NIPBL: variants seen among roughly 807,000 people sequenced by gnomAD.
NIPBL encodes nipped-B-like protein.
A neutral mutation model predicts 321.8 loss-of-function variants in NIPBL; 19 were observed. The observed-to-expected ratio is 0.06, with a 90% CI of 0.04 to 0.09. The LOEUF (loss-of-function observed/expected upper bound fraction) is 0.09, where lower values mean the gene tolerates loss of function less well. NIPBL is among the 10% of genes least tolerant of loss of function. NIPBL has a pLI of 1.00. For synonymous variants in NIPBL, 1,106 were observed against 1,114.1 expected (o/e 0.99, Z 0.14); for missense variants, 2,210 against 3,327.0 (o/e 0.66, Z 8.26).
chr5:37,010,244 G>T lies in NIPBL; in HGVS notation c.4560+19G>T, dbSNP rs201403933. The T allele has an allele frequency of 8.4e-6, 13 of 1,552,370 alleles. No individual in the cohort carries two copies. The highest frequency in any genetic ancestry group is 7.8e-5 in the South Asian group (7 of 89,648). On this transcript the variant is annotated intron_variant, in intron 21 of 46. Transcript: ENST00000282516. ...TAAAAAAGTAAGGAATCTATTAAAG[G>T]TTTTACAACTGTACTTTTATTGAAG...
intron 1 of NIPBL, among the ~76,000 whole-genome samples, chr5:36,902,076 A>G (rs1580185500): frequency 1.4e-5 from 2 of 147,872 alleles, no homozygotes; most frequent in Admixed American, 1.3e-4. Context: ...GTGTCTGTTC[A>G]TGTCCTTTGC....
intron 1 of NIPBL, among the ~76,000 whole-genome samples, chr5:36,929,440 T>C (rs1164754581): frequency 6.6e-6 from 1 of 152,140 alleles, no homozygotes; most frequent in African/African-American, 2.4e-5. Flanking sequence ...GAGAGTTCAT[T>C]TAAATTCTGA....
chr5:36,885,725 T>A (rs1745847184), intron 1 of NIPBL: 1 of 592,102 alleles, frequency 1.7e-6, no homozygotes, highest in Non-Finnish European at 3.2e-6. Flanking sequence ...GCTGGCCATG[T>A]GCCAGTCTGT....
chr5:37,003,405 G>C, intron 16 of NIPBL, 58 bp downstream of exon 16: 1 of 939,132 alleles, frequency 1.1e-6, no homozygotes, highest in Non-Finnish European at 1.7e-6. Context: ...ATCTATAGTA[G>C]TCCCCCACTT....
At chr5:37,036,581 G>C (rs993843539) in intron 33 of NIPBL, 94 bp downstream of exon 33, 5 of 416,032 alleles carry the variant, frequency 1.2e-5, no homozygotes, top group Non-Finnish European at 2.1e-5. Context: ...CTCTGGCTCT[G>C]CTTGTCTAAT....
At chr5:36,939,545 T>G (rs1049161718) in intron 1 of NIPBL, among the ~76,000 whole-genome samples, 2 of 152,234 alleles carry the variant, frequency 1.3e-5, no homozygotes, top group Non-Finnish European at 2.9e-5. Flanking sequence ...CATTCTGCAT[T>G]GAAGGACATT....
intron 1 of NIPBL, among the ~76,000 whole-genome samples, chr5:36,929,412 ATCT>A (rs1449075226): frequency 1.3e-5 from 2 of 152,108 alleles, no homozygotes; most frequent in East Asian, 1.9e-4. Flanking sequence ...AAGTTGTGTT[ATCT>A]TCTTGTTCAC....
chr5:36,885,891 G>T, intron 1 of NIPBL: 1 of 734,802 alleles, frequency 1.4e-6, no homozygotes, highest in Non-Finnish European at 2.5e-6. Flanking sequence ...CAGCTCACCA[G>T]CTCTGGGTTG....
rs80358362 is a variant in NIPBL at position 37,022,256 on chromosome 5, C to A, written c.5440C>A (p.Arg1814=). Residue 1814 remains arginine, a synonymous_variant, in exon 29 of 47, where the codon CGA becomes AGA. Transcript: ENST00000282516. The part of the protein sequence containing the change: ...PSILARLDMQ[R]GVHGRLMDNS... ...CATTTTTCTTTAGCTTGATATGCAA[C>A]GAGGTGTTCATGGACGATTGATGGA... 6.2e-7 allele frequency: 1 copy of A among 1,613,778 alleles called. No homozygotes were observed. The highest frequency in any genetic ancestry group is 1.3e-5 in the African/African-American group (1 of 74,856).
intron 44 of NIPBL, among the ~76,000 whole-genome samples, chr5:37,059,999 T>C (rs1236869750): frequency 6.6e-6 from 1 of 152,152 alleles, no homozygotes; most frequent in South Asian, 2.1e-4. Context: ...AATCACAAAA[T>C]CAAATGTTAA....
chr5:36,951,556 A>G lies in NIPBL; in HGVS notation c.-79-2062A>G, dbSNP rs1285235597. Among the ~76,000 whole-genome samples the G allele has an allele frequency of 3.9e-5, 6 of 152,204 alleles. No homozygotes were observed. In the South Asian group the frequency reaches 8.3e-4, roughly 21 times the overall value. ...ATTAGCATAAATTTAGGAAAAATTC[A>G]TTGTGTTTTGGTGACCTTTATCAGA... is the stretch of plus-strand genomic sequence containing the variant. On this transcript the variant is annotated intron_variant, in intron 1 of 46. Coordinates refer to ENST00000282516, the MANE Select transcript of NIPBL (RefSeq NM_133433.4).
intron 1 of NIPBL, among the ~76,000 whole-genome samples, chr5:36,940,130 CTA>C (rs1491063698): frequency 6.6e-6 from 1 of 152,060 alleles, no homozygotes; most frequent in Admixed American, 6.6e-5. Flanking sequence ...TTGTGAGAAA[CTA>C]TTGTTCTTTC....
At chr5:36,882,368 C>T (rs1205830508) in intron 1 of NIPBL, among the ~76,000 whole-genome samples, 1 of 151,716 alleles carries the variant, frequency 6.6e-6, no homozygotes, top group African/African-American at 2.4e-5. Flanking sequence ...AAAGGTTTTT[C>T]AGTTCCTCAA....
chr5:36,901,747 G>T (rs1260430008), intron 1 of NIPBL, among the ~76,000 whole-genome samples: 2 of 152,174 alleles, frequency 1.3e-5, no homozygotes, highest in African/African-American at 4.8e-5. Context: ...GACCTCAAGT[G>T]ATCCACCCCC....
chr5:36,931,784 G>C lies in NIPBL; in HGVS notation c.-79-21834G>C, dbSNP rs1384526010. 6.7e-4 allele frequency among the ~76,000 whole-genome samples: 7 copies of C among 10,488 alleles called. No individual in the cohort carries two copies. In the East Asian group the frequency reaches 0.017, roughly 26 times the overall value. 6.9% of individuals were successfully genotyped at this position (10,488 alleles called of 152,430 possible). A position where few individuals can be genotyped will look rare whatever the true frequency, so the allele number is the denominator to read the frequency against. ...TTTTTGAATTCATTCGTATGTCTCT[G>C]GTTTTTTTTTTTTTTGTTTATTTTT... On this transcript the variant is annotated intron_variant, in intron 1 of 46. Transcript: ENST00000282516.
In NIPBL at chr5:37,044,321, A is replaced by G. The variant is rs1430958068; in HGVS notation, c.6109-26A>G. The G allele has an allele frequency of 2.5e-6, 4 of 1,607,232 alleles. No individual in the cohort carries two copies. In the African/African-American group the frequency reaches 5.4e-5, roughly 22 times the overall value. On this transcript the variant is annotated intron_variant, in intron 34 of 46. Transcript: ENST00000282516. ...GTTTCTTTTCAGGTTTTGGATATTC[A>G]TAAAGCATTAATTTTATTCTTATAG...
intron 1 of NIPBL, among the ~76,000 whole-genome samples, chr5:36,887,334 A>G (rs1294695718): frequency 6.6e-6 from 1 of 152,180 alleles, no homozygotes; most frequent in African/African-American, 2.4e-5. Flanking sequence ...TTGAGTTTAC[A>G]TTTGCTTTAG....
chr5:36,895,318 TG>T (rs1746650511), intron 1 of NIPBL, among the ~76,000 whole-genome samples: 1 of 152,252 alleles, frequency 6.6e-6, no homozygotes. Flanking sequence ...TTTTTAGGAC[TG>T]AATATACTCC....
rs529439667 is a variant in NIPBL at position 36,917,243 on chromosome 5, T to C, written c.-79-36375T>C. On this transcript the variant is annotated intron_variant, in intron 1 of 46. Coordinates refer to ENST00000282516, the MANE Select transcript of NIPBL (RefSeq NM_133433.4). ...TGATTTGCATTTCTCTGATGACCAGTGATGATGAGCATTTTTTCATGTGTC... is the reference window on the plus strand; with the variant it reads ...TGATTTGCATTTCTCTGATGACCAGCGATGATGAGCATTTTTTCATGTGTC... Among the ~76,000 whole-genome samples, 262 of 152,346 alleles carry C rather than the reference T, an allele frequency of 1.7e-3. 1 individual carries two copies. Among genetic ancestry groups the C allele is most frequent in the African/African-American group, 6.0e-3 (248 of 41,592 alleles).
Sources: gnomAD v4.1 joint callset for allele counts (sites outside exome capture counted in the v4.1 genomes callset) on GRCh38, gnomAD v4.1.1 for gene constraint, MANE v1.5 for transcripts, NCBI Gene and HGNC (gene_info 2026-07-23, HGNC 2026-07-21) for gene names.